Variants in SLC9A9 observed in about 807,000 individuals in gnomAD.
SLC9A9 encodes sodium/hydrogen exchanger 9.
Under a neutral mutation model 77.8 loss-of-function variants are expected in SLC9A9, and 62 were observed. That is an observed-to-expected ratio of 0.80 (90% CI 0.65 to 0.98). The LOEUF (loss-of-function observed/expected upper bound fraction) is 0.98, where lower values mean the gene tolerates loss of function less well. SLC9A9 is among the 50% of genes least tolerant of loss of function. The probability of loss-of-function intolerance (pLI) is 0.00; values close to 1 mark genes in which losing one functional copy is unlikely to be tolerated. For missense variants in SLC9A9, 775 were observed against 774.9 expected (o/e 1.00, Z 0.00); for synonymous variants, 320 against 283.5 (o/e 1.13, Z -1.29).
At chr3:143,333,541 T>C (rs1033031420) in intron 14 of SLC9A9, among the ~76,000 whole-genome samples, 5 of 152,158 alleles carry the variant, frequency 3.3e-5, no homozygotes, top group African/African-American at 1.2e-4. Context: ...TGGGTCTCAT[T>C]TATAAGCCAG....
chr3:143,319,475 T>C (rs13066661), intron 14 of SLC9A9, among the ~76,000 whole-genome samples: 83,133 of 152,060 alleles, frequency 0.55, 24,203 homozygotes, highest in African/African-American at 0.75. Flanking sequence ...AATGAGAAGT[T>C]AATTCCCTGA....
At chr3:143,748,231 T>C (rs1424092367) in intron 4 of SLC9A9, among the ~76,000 whole-genome samples, 1 of 152,222 alleles carries the variant, frequency 6.6e-6, no homozygotes, top group Non-Finnish European at 1.5e-5. Context: ...AGGCCCATGA[T>C]ATGCGGGCTC....
At chr3:143,450,235 T>G (rs1386477794) in intron 12 of SLC9A9, among the ~76,000 whole-genome samples, 1 of 141,176 alleles carries the variant, frequency 7.1e-6, no homozygotes, top group East Asian at 2.0e-4. Flanking sequence ...ATATATAAAT[T>G]ACATATAATT....
At chr3:143,619,333 A>G (rs2038158872) in intron 6 of SLC9A9, among the ~76,000 whole-genome samples, 1 of 152,246 alleles carries the variant, frequency 6.6e-6, no homozygotes. Flanking sequence ...GGGAGAATAA[A>G]GAAAGAAAAA....
chr3:143,834,274 A>C lies in SLC9A9; in HGVS notation c.176-2053T>G, dbSNP rs143565987. Among the ~76,000 whole-genome samples the C allele has an allele frequency of 7.2e-3, 1,097 of 152,316 alleles. 7 individuals carry two copies. The highest frequency in any genetic ancestry group is 0.014 in the Middle Eastern group (4 of 294). On this transcript the variant is annotated intron_variant, in intron 1 of 15. Coordinates refer to ENST00000316549, the MANE Select transcript of SLC9A9 (RefSeq NM_173653.4). ...CTTGATCCACCACAGCACAGTAGGCAACCTTCCATGCTCAGTGTTGAATGA... is the reference window on the plus strand; with the variant it reads ...CTTGATCCACCACAGCACAGTAGGCCACCTTCCATGCTCAGTGTTGAATGA...
intron 8 of SLC9A9, among the ~76,000 whole-genome samples, chr3:143,568,995 A>T (rs957473754): frequency 4.6e-5 from 7 of 152,160 alleles, no homozygotes; most frequent in Non-Finnish European, 7.4e-5. Context: ...GTCTAATGTG[A>T]AGACAACTGT....
chr3:143,402,544 G>A (rs1052993734), intron 12 of SLC9A9, among the ~76,000 whole-genome samples: 4 of 141,710 alleles, frequency 2.8e-5, no homozygotes, highest in Admixed American at 7.5e-5. Flanking sequence ...GGACCTTGTT[G>A]TTGAGTGCAT....
At chr3:143,389,166 G>A (rs2033495493) in intron 12 of SLC9A9, among the ~76,000 whole-genome samples, 1 of 152,110 alleles carries the variant, frequency 6.6e-6, no homozygotes, top group Admixed American at 6.5e-5. Flanking sequence ...TAGGCAGTAG[G>A]GGGTGAAATA....
chr3:143,622,562 T>C (rs1428917838), intron 6 of SLC9A9, among the ~76,000 whole-genome samples: 1 of 152,094 alleles, frequency 6.6e-6, no homozygotes, highest in Admixed American at 6.6e-5. Context: ...GACAAGAAAA[T>C]GCTGAGAGAT....
chr3:143,591,822 C>A (rs1241377006), intron 6 of SLC9A9, among the ~76,000 whole-genome samples: 1 of 152,088 alleles, frequency 6.6e-6, no homozygotes, highest in East Asian at 1.9e-4. Flanking sequence ...TCGAGTTGGA[C>A]AATAGGTCAG....
intron 5 of SLC9A9, among the ~76,000 whole-genome samples, chr3:143,688,861 C>T (rs979758271): frequency 7.2e-5 from 11 of 151,892 alleles, no homozygotes; most frequent in South Asian, 2.1e-4. Flanking sequence ...ATTCATATTC[C>T]TAACATATTA....
At chr3:143,796,996 A>G (rs903191203) in intron 2 of SLC9A9, 93 bp from the exon 3 acceptor site, 162 of 1,031,728 alleles carry the variant, frequency 1.6e-4, no homozygotes, top group Admixed American at 2.2e-4. Context: ...TGCTTTTGCT[A>G]AGCCTTTGTG....
At chr3:143,733,196 T>A (rs1242475269) in intron 4 of SLC9A9, among the ~76,000 whole-genome samples, 3 of 152,032 alleles carry the variant, frequency 2.0e-5, no homozygotes, top group Non-Finnish European at 2.9e-5. Flanking sequence ...CTCAAAAGCC[T>A]AGGTTTTGAG....
At chr3:143,616,626 A>C (rs2038111980) in intron 6 of SLC9A9, among the ~76,000 whole-genome samples, 1 of 152,190 alleles carries the variant, frequency 6.6e-6, no homozygotes, top group Admixed American at 6.5e-5. Flanking sequence ...TGACTTATGG[A>C]AATAAATAAT....
intron 12 of SLC9A9, among the ~76,000 whole-genome samples, chr3:143,445,510 A>C (rs2034825905): frequency 1.3e-5 from 2 of 152,216 alleles, no homozygotes; most frequent in African/African-American, 4.8e-5. Flanking sequence ...AGAGAATAGC[A>C]TGCTACGGAT....
intron 4 of SLC9A9, among the ~76,000 whole-genome samples, chr3:143,714,843 G>T (rs1934290955): frequency 2.6e-5 from 4 of 152,178 alleles, no homozygotes; most frequent in Admixed American, 2.6e-4. Flanking sequence ...ATATGGTTCG[G>T]CTGTGTCTCC....
chr3:143,310,753 A>C (rs1010650703), intron 14 of SLC9A9, among the ~76,000 whole-genome samples: 2 of 152,226 alleles, frequency 1.3e-5, no homozygotes, highest in African/African-American at 4.8e-5. Context: ...TGCCGTAACC[A>C]GAAAAGATTA....
At chr3:143,730,806 A>G (rs1934783835) in intron 4 of SLC9A9, among the ~76,000 whole-genome samples, 1 of 152,192 alleles carries the variant, frequency 6.6e-6, no homozygotes. Context: ...CAGGGAGAAT[A>G]TAAAGCCTTA....
intron 14 of SLC9A9, among the ~76,000 whole-genome samples, chr3:143,283,101 C>T (rs1009450532): frequency 6.6e-6 from 1 of 152,196 alleles, no homozygotes; most frequent in African/African-American, 2.4e-5. Flanking sequence ...ATGCTTAATG[C>T]CCAGTAGGCA....
Sources: gnomAD v4.1 joint callset for allele counts (sites outside exome capture counted in the v4.1 genomes callset) on GRCh38, gnomAD v4.1.1 for gene constraint, MANE v1.5 for transcripts, NCBI Gene and HGNC (gene_info 2026-07-23, HGNC 2026-07-21) for gene names.